ADAP1: variants seen among roughly 807,000 people sequenced by gnomAD.
ADAP1 encodes ArfGAP with dual PH domains 1, also known as arf-GAP with dual PH domain-containing protein 1.
Under a neutral mutation model 54.9 loss-of-function variants are expected in ADAP1, and 31 were observed. The observed-to-expected ratio is 0.56, with a 90% CI of 0.42 to 0.76. The LOEUF is 0.76. Among genes scored for constraint, ADAP1 ranks in the 30% least tolerant of loss-of-function variants. ADAP1 has a pLI of 0.00. For missense variants in ADAP1, 535 were observed against 512.4 expected (o/e 1.04, Z -0.42); for synonymous variants, 313 against 202.6 (o/e 1.55, Z -4.63).
intron 3 of ADAP1, among the ~76,000 whole-genome samples, chr7:923,883 G>A (rs1043204558): frequency 7.2e-5 from 11 of 152,208 alleles, no homozygotes; most frequent in African/African-American, 2.4e-4. Context: ...CGCTGCTGGG[G>A]CTGGGAGAAT....
chr7:932,534 G>A (rs760071233), intron 2 of ADAP1, among the ~76,000 whole-genome samples: 8 of 152,200 alleles, frequency 5.3e-5, no homozygotes, highest in Non-Finnish European at 1.2e-4. Flanking sequence ...TTGGAGACGG[G>A]ACACCCGTCC....
Position 898,592 on chromosome 7 carries a change from G to A in ADAP1, c.*329C>T, listed in dbSNP as rs1844619181. On this transcript the variant is annotated 3_prime_UTR_variant, in exon 11 of 11. Coordinates refer to ENST00000265846, the MANE Select transcript of ADAP1 (RefSeq NM_006869.4). ...GCCTGGAAGTTCCCACAGCCGTGGTGGGCGGCTCCTGGGGGCTGTGTCTGA... is the reference window on the plus strand; with the variant it reads ...GCCTGGAAGTTCCCACAGCCGTGGTAGGCGGCTCCTGGGGGCTGTGTCTGA... The A allele has an allele frequency of 4.6e-6, 2 of 434,110 alleles. No individual in the cohort carries two copies. Among genetic ancestry groups the A allele is most frequent in the Admixed American group, 3.5e-5 (1 of 28,700 alleles). The allele number at this position is 434,110 out of a possible 1,614,324, so 26.9% of individuals were successfully genotyped here. A position where few individuals can be genotyped will look rare whatever the true frequency, so the allele number is the denominator to read the frequency against.
At chr7:910,412 G>C (rs1347229290) in intron 4 of ADAP1, among the ~76,000 whole-genome samples, 1 of 152,082 alleles carries the variant, frequency 6.6e-6, no homozygotes, top group Non-Finnish European at 1.5e-5. Flanking sequence ...ACCACACCCG[G>C]CTAAGTTCTG....
At chr7:909,022 T>C (rs1389900670) in intron 4 of ADAP1, among the ~76,000 whole-genome samples, 1 of 149,780 alleles carries the variant, frequency 6.7e-6, no homozygotes, top group African/African-American at 2.5e-5. Context: ...ACAGCAGTGC[T>C]CCGGAAGCGC....
At position 920,465 on chromosome 7, in the gene ADAP1, T is replaced by G. The variant is rs910996738; in HGVS notation, c.306-415A>C. ...ACCCTCCCCACCTCGTTGGACCGGATCTGGGAAGTGGCCGCGGCGCCGCCC... is the reference window on the plus strand; with the variant it reads ...ACCCTCCCCACCTCGTTGGACCGGAGCTGGGAAGTGGCCGCGGCGCCGCCC... On this transcript the variant is annotated intron_variant, in intron 3 of 10. Coordinates refer to ENST00000265846, the MANE Select transcript of ADAP1 (RefSeq NM_006869.4). The surrounding 1 kb of genome is among the most constrained non-coding windows in gnomAD (Gnocchi z 4.5). 7.1e-6 allele frequency among the ~76,000 whole-genome samples: 1 copy of G among 141,262 alleles called. No individual in the cohort carries two copies. Among genetic ancestry groups the G allele is most frequent in the Admixed American group, 7.4e-5 (1 of 13,548 alleles). 92.7% of individuals were successfully genotyped at this position (141,262 alleles called of 152,430 possible).
chr7:951,104 G>C (rs959547570), intron 1 of ADAP1, among the ~76,000 whole-genome samples: 1 of 152,200 alleles, frequency 6.6e-6, no homozygotes, highest in Non-Finnish European at 1.5e-5. Flanking sequence ...GCCAGGCGCG[G>C]TGGCTCATGC....
At chr7:905,281 C>T (rs1339778141) in intron 4 of ADAP1, 109 bp from the exon 5 acceptor site, 53 of 269,022 alleles carry the variant, frequency 2.0e-4, no homozygotes, top group African/African-American at 6.5e-4. Context: ...ACGGGGGACA[C>T]GGACGGGGGA....
intron 4 of ADAP1, among the ~76,000 whole-genome samples, chr7:906,502 A>AG (rs58373074): frequency 1.4e-4 from 1 of 7,086 alleles, no homozygotes; most frequent in Non-Finnish European, 3.3e-4. Context: ...GAAAGGAGAA[A>AG]GGGAGAAAGG....
chr7:905,100 G>C lies in ADAP1; in HGVS notation c.461C>G (p.Thr154Arg). ...GQFLSRKFVLTEREGALKYFN... is the reference protein window; with the variant it reads ...GQFLSRKFVLREREGALKYFN... Reference sequence around the variant, plus strand: ...ATACTTCAGAGCACCCTCTCGTTCTGTCAGCACAAACTTCCGGCTCAAAAA... The same window carrying C: ...ATACTTCAGAGCACCCTCTCGTTCTCTCAGCACAAACTTCCGGCTCAAAAA... The change falls in exon 5 of 11, where the codon ACA (threonine) becomes AGA (arginine). Residue 154 changes from threonine to arginine, a missense_variant. Transcript: ENST00000265846. The C allele has an allele frequency of 6.2e-7, 1 of 1,612,388 alleles. No individual in the cohort carries two copies. The highest frequency in any genetic ancestry group is 8.5e-7 in the Non-Finnish European group (1 of 1,179,908).
intron 4 of ADAP1, among the ~76,000 whole-genome samples, chr7:917,991 G>C (rs7456170): frequency 1.3e-5 from 2 of 152,194 alleles, no homozygotes; most frequent in South Asian, 4.2e-4. Flanking sequence ...GTTTCGCCAC[G>C]TTGCTCAGGC....
chr7:906,756 GGACA>G (rs1583136867), intron 4 of ADAP1, among the ~76,000 whole-genome samples: 3,551 of 38,724 alleles, frequency 0.092, 328 homozygotes, highest in African/African-American at 0.17. Flanking sequence ...TAGGGGACAT[GGACA>G]GGGGACATGG....
intron 1 of ADAP1, among the ~76,000 whole-genome samples, chr7:942,068 C>T (rs1205635273): frequency 2.6e-5 from 4 of 152,188 alleles, no homozygotes; most frequent in Admixed American, 1.3e-4. Context: ...TTCCTACCAA[C>T]GGTGCTGGAA....
At chr7:912,349 G>C (rs939013382) in intron 4 of ADAP1, among the ~76,000 whole-genome samples, 6 of 152,198 alleles carry the variant, frequency 3.9e-5, no homozygotes, top group Admixed American at 3.9e-4. Flanking sequence ...GCCAGCCCGC[G>C]GTGGGAGCAG....
rs150951570 is a variant in ADAP1 at position 922,545 on chromosome 7, C to T, written c.306-2495G>A. On this transcript the variant is annotated intron_variant, in intron 3 of 10. Coordinates refer to ENST00000265846, the MANE Select transcript of ADAP1 (RefSeq NM_006869.4). ...GGACGGGTCCAGTGGCCACTGTGAC[C>T]CCCATAGCGGGTGCTGTTCACACAG... Among the ~76,000 whole-genome samples, 969 of 152,270 alleles carry T rather than the reference C, an allele frequency of 6.4e-3. 5 individuals are homozygous for T. The highest frequency in any genetic ancestry group is 0.014 in the Middle Eastern group (4 of 294).
Position 946,777 on chromosome 7 carries a change from C to T in ADAP1, c.82+7619G>A, listed in dbSNP as rs759322596. The stretch of plus-strand genomic sequence containing the variant: ...GCTGTCAAACCCTATTTTTGGAACT[C>T]GATAGAGGTGGTGGTTGAACAGCAT... On this transcript the variant is annotated intron_variant, in intron 1 of 10. Coordinates refer to ENST00000265846, the MANE Select transcript of ADAP1 (RefSeq NM_006869.4). The surrounding 1 kb of genome is among the most constrained non-coding windows in gnomAD (Gnocchi z 4.3). 5.9e-5 allele frequency among the ~76,000 whole-genome samples: 9 copies of T among 152,232 alleles called. No homozygotes were observed. The highest frequency in any genetic ancestry group is 1.7e-4 in the African/African-American group (7 of 41,464).
chr7:902,153 C>A (rs1844849911), intron 6 of ADAP1, among the ~76,000 whole-genome samples: 1 of 151,166 alleles, frequency 6.6e-6, no homozygotes, highest in South Asian at 2.1e-4. Context: ...GAAACCCGGT[C>A]TCTACTAAAA....
intron 2 of ADAP1, 34 bp downstream of exon 2, chr7:935,341 C>T: frequency 3.9e-6 from 6 of 1,546,080 alleles, no homozygotes; most frequent in Non-Finnish European, 5.2e-6. Flanking sequence ...CACCCGGGGA[C>T]TGCGCGGGTC....
At chr7:916,560 T>G (rs1845939940) in intron 4 of ADAP1, among the ~76,000 whole-genome samples, 1 of 152,094 alleles carries the variant, frequency 6.6e-6, no homozygotes, top group South Asian at 2.1e-4. Context: ...GGTGATTCTT[T>G]GGGGGTTTAA....
intron 4 of ADAP1, among the ~76,000 whole-genome samples, chr7:917,576 T>TTCCAG (rs1845987899): frequency 6.6e-6 from 1 of 151,870 alleles, no homozygotes; most frequent in Non-Finnish European, 1.5e-5. Flanking sequence ...GCGATTCTCC[T>TTCCAG]GCATCAGCCT....
Sources: allele counts gnomAD v4.1 joint callset (sites outside exome capture counted in the v4.1 genomes callset), GRCh38; gene constraint gnomAD v4.1.1; non-coding constraint Gnocchi (gnomAD v3.1); transcripts MANE v1.5; gene names NCBI Gene and HGNC (gene_info 2026-07-23, HGNC 2026-07-21).